The following TRPC7 variants were observed in gnomAD, a reference collection of about 807,000 sequenced individuals.
TRPC7 encodes the protein transient receptor potential cation channel subfamily C member 7, also known as short transient receptor potential channel 7.
TRPC7 carries 42 observed loss-of-function variants against 90.1 expected under a neutral mutation model. That is an observed-to-expected ratio of 0.47 (90% CI 0.36 to 0.60). TRPC7 has a LOEUF of 0.60. Ranked by LOEUF, TRPC7 falls within the 20% of genes least tolerant of loss-of-function variation. The pLI is 0.00. For synonymous variants in TRPC7, 451 were observed against 436.3 expected, an observed-to-expected ratio of 1.03 and a Z score of -0.42; for missense variants, 955 against 1,112.3, an observed-to-expected ratio of 0.86 and a Z score of 2.01.
At chr5:136,251,176 T>G (rs1367577682) in intron 6 of TRPC7, among the ~76,000 whole-genome samples, 1 of 152,218 alleles carries the variant, frequency 6.6e-6, no homozygotes, top group Non-Finnish European at 1.5e-5. Flanking sequence ...ATTAAGGTAA[T>G]TAAGGTATCT....
intron 1 of TRPC7, among the ~76,000 whole-genome samples, chr5:136,358,520 G>A (rs1760462340): frequency 6.6e-6 from 1 of 152,172 alleles, no homozygotes; most frequent in South Asian, 2.1e-4. Context: ...AAGTTAGAAG[G>A]TTTAGAGTAG....
intron 2 of TRPC7, among the ~76,000 whole-genome samples, chr5:136,342,364 G>A (rs1285089638): frequency 1.3e-5 from 2 of 152,162 alleles, no homozygotes; most frequent in Non-Finnish European, 2.9e-5. Context: ...CAGACTGCTG[G>A]GTGTGTAAGA....
intron 3 of TRPC7, among the ~76,000 whole-genome samples, chr5:136,301,332 ATTT>A (rs368799815): frequency 1.1e-3 from 96 of 85,696 alleles, no homozygotes; most frequent in Middle Eastern, 7.9e-3. Context: ...CAGCCCAGGC[ATTT>A]TTTTTTTTTT....
Position 136,357,184 on chromosome 5 carries a change from GGTCTTGGAC to G in TRPC7, c.195_203del (p.Glu65_Thr68delinsAsp), listed in dbSNP as rs1197635721. On this transcript the variant is annotated inframe_deletion, in exon 2 of 12. Coordinates refer to ENST00000513104, the MANE Select transcript of TRPC7 (RefSeq NM_020389.3). The stretch of plus-strand genomic sequence containing the variant: ...TGTAGTCCACACAGTTGAAGTTAAG[GGTCTTGGAC>G]TCCTCCAGCATTTTCCGGACCACCG... 1.9e-6 allele frequency: 3 copies of G among 1,613,948 alleles called. No homozygotes were observed. In the South Asian group the frequency reaches 3.3e-5, roughly 18 times the overall value.
At chr5:136,335,153 C>T (rs1032604643) in intron 2 of TRPC7, among the ~76,000 whole-genome samples, 1 of 152,124 alleles carries the variant, frequency 6.6e-6, no homozygotes, top group African/African-American at 2.4e-5. Flanking sequence ...TTCCATTGAT[C>T]TCCACACCTT....
intron 8 of TRPC7, 108 bp downstream of exon 8, chr5:136,231,246 C>T: frequency 9.9e-7 from 1 of 1,012,908 alleles, no homozygotes; most frequent in Admixed American, 2.9e-5. Context: ...GCTGTTCTGG[C>T]TGCACATTTA....
intron 5 of TRPC7, among the ~76,000 whole-genome samples, chr5:136,263,211 T>C (rs2149810893): frequency 6.6e-6 from 1 of 152,254 alleles, no homozygotes; most frequent in Admixed American, 6.5e-5. Context: ...CCCAGGGCAT[T>C]CAATAGAGAC....
At chr5:136,312,364 C>G (rs539714686) in intron 3 of TRPC7, among the ~76,000 whole-genome samples, 2 of 152,234 alleles carry the variant, frequency 1.3e-5, no homozygotes, top group South Asian at 2.1e-4. Flanking sequence ...TTAGAAGAAC[C>G]CTAGAGTCCC....
chr5:136,282,936 T>G (rs1192652733), intron 3 of TRPC7, among the ~76,000 whole-genome samples: 1 of 152,176 alleles, frequency 6.6e-6, no homozygotes, highest in African/African-American at 2.4e-5. Flanking sequence ...TTAATCTTGA[T>G]GGTTCTGAGT....
rs143726438 is a variant in TRPC7 at position 136,300,302 on chromosome 5, G to A, written c.963+15295C>T. ...ATTTTGTCCTTTTCCACCCTCTAAA[G>A]TTGAGCTGGCAGGGTGTGGATATGG... On this transcript the variant is annotated intron_variant, in intron 3 of 11. Coordinates refer to ENST00000513104, the MANE Select transcript of TRPC7 (RefSeq NM_020389.3). Among the ~76,000 whole-genome samples, 534 of 152,310 alleles carry A rather than the reference G, an allele frequency of 3.5e-3. 1 individual carries two copies. Among genetic ancestry groups the A allele is most frequent in the African/African-American group, 0.012 (493 of 41,558 alleles).
intron 10 of TRPC7, among the ~76,000 whole-genome samples, chr5:136,221,460 A>G (rs1755458604): frequency 6.6e-6 from 1 of 152,230 alleles, no homozygotes; most frequent in South Asian, 2.1e-4. Context: ...CTGGCCGCTG[A>G]TGGTGAAGGG....
chr5:136,348,362 T>C (rs1261569673), intron 2 of TRPC7, among the ~76,000 whole-genome samples: 1 of 152,238 alleles, frequency 6.6e-6, no homozygotes, highest in Admixed American at 6.5e-5. Flanking sequence ...CTGGGCTATT[T>C]CATGTGTCAT....
At chr5:136,326,598 C>T (rs557924249) in intron 2 of TRPC7, among the ~76,000 whole-genome samples, 9 of 151,982 alleles carry the variant, frequency 5.9e-5, no homozygotes, top group South Asian at 2.1e-4. Context: ...TTAGAAAAAC[C>T]GGATATGATT....
At chr5:136,289,499 C>T (rs1192636106) in intron 3 of TRPC7, among the ~76,000 whole-genome samples, 1 of 152,264 alleles carries the variant, frequency 6.6e-6, no homozygotes, top group Non-Finnish European at 1.5e-5. Context: ...AGATTATATC[C>T]TGCACATGGC....
chr5:136,219,883 G>A (rs1755397537), intron 10 of TRPC7, among the ~76,000 whole-genome samples: 1 of 152,248 alleles, frequency 6.6e-6, no homozygotes. Flanking sequence ...TGAAATGGTT[G>A]GAGAAATGGC....
intron 2 of TRPC7, among the ~76,000 whole-genome samples, chr5:136,343,395 C>A (rs1759904850): frequency 6.6e-6 from 1 of 152,098 alleles, no homozygotes; most frequent in Non-Finnish European, 1.5e-5. Context: ...TGAGAGATGT[C>A]CTTGAAATTC....
intron 11 of TRPC7, among the ~76,000 whole-genome samples, chr5:136,215,296 G>A (rs1755227972): frequency 6.6e-6 from 1 of 152,202 alleles, no homozygotes; most frequent in Admixed American, 6.5e-5. Context: ...CACTCAAGAG[G>A]CATGAGGTTG....
chr5:136,340,196 T>C lies in TRPC7; in HGVS notation c.780+16412A>G, dbSNP rs75661069. On this transcript the variant is annotated intron_variant, in intron 2 of 11. Transcript: ENST00000513104. ...AACATGGATGAACCTAGAAGAATTATGATAAGTGAAATAAGCTAGGCACAG... is the reference window on the plus strand; with the variant it reads ...AACATGGATGAACCTAGAAGAATTACGATAAGTGAAATAAGCTAGGCACAG... Among the ~76,000 whole-genome samples the C allele has an allele frequency of 3.3e-4, 50 of 152,296 alleles. No individual in the cohort carries two copies. The East Asian group carries it at 9.1e-3, about 28-fold the overall frequency.
intron 2 of TRPC7, among the ~76,000 whole-genome samples, chr5:136,348,646 A>G (rs1760086835): frequency 6.6e-6 from 1 of 152,192 alleles, no homozygotes; most frequent in Non-Finnish European, 1.5e-5. Context: ...TGTCCAGACT[A>G]GAAGATTTAT....
Sources: gnomAD v4.1 joint callset for allele counts (sites outside exome capture counted in the v4.1 genomes callset) on GRCh38, gnomAD v4.1.1 for gene constraint, MANE v1.5 for transcripts, NCBI Gene and HGNC (gene_info 2026-07-23, HGNC 2026-07-21) for gene names.